MYLK: variants seen among roughly 807,000 people sequenced by gnomAD.
MYLK encodes myosin light chain kinase, smooth muscle.
MYLK carries 106 observed loss-of-function variants against 203.4 expected under a neutral mutation model. The observed-to-expected ratio is 0.52, with a 90% CI of 0.45 to 0.61. The LOEUF (loss-of-function observed/expected upper bound fraction) is 0.61, where lower values mean the gene tolerates loss of function less well. Among genes scored for constraint, MYLK ranks in the 20% least tolerant of loss-of-function variants. The pLI, the probability that MYLK is intolerant of heterozygous loss-of-function variation, is 0.00. For synonymous variants in MYLK, 867 were observed against 959.5 expected (o/e 0.90, Z 1.78); for missense variants, 2,072 against 2,442.3 (o/e 0.85, Z 3.20).
At chr3:123,818,192 G>A (rs989999438) in intron 3 of MYLK, among the ~76,000 whole-genome samples, 2 of 152,150 alleles carry the variant, frequency 1.3e-5, no homozygotes, top group Non-Finnish European at 2.9e-5. Flanking sequence ...ACCCAATTCT[G>A]CCTCCTGCAG....
rs147020124 is a variant in MYLK, at chr3:123,846,667, T to C, written c.-126-14997A>G. Among the ~76,000 whole-genome samples the C allele has an allele frequency of 3.4e-3, 523 of 152,306 alleles. 3 individuals are homozygous for C. The highest frequency in any genetic ancestry group is 0.012 in the African/African-American group (490 of 41,576). On this transcript the variant is annotated intron_variant, in intron 2 of 33. Coordinates refer to ENST00000360304, the MANE Select transcript of MYLK (RefSeq NM_053025.4). ...CAGCGTAGGAGACTGTCATTCCATA[T>C]GCTCATCCATACTAAGAAGTACATT... is the stretch of plus-strand genomic sequence containing the variant.
At position 123,759,740 on chromosome 3, in the gene MYLK, G is replaced by C. The variant is rs144719589; in HGVS notation, c.166-7202C>G. Among the ~76,000 whole-genome samples the C allele has an allele frequency of 2.3e-3, 346 of 152,286 alleles. 5 individuals are homozygous for C. Among genetic ancestry groups the C allele is most frequent in the Non-Finnish European group, 4.9e-4 (33 of 68,030 alleles). ...GACCAAAGCTGTCTCTTTTCACAGA[G>C]ACCCAAAACTGAGAAGATGTAAGAC... On this transcript the variant is annotated intron_variant, in intron 4 of 33. Transcript: ENST00000360304.
intron 3 of MYLK, chr3:123,799,697 A>G (rs1296717179): frequency 6.6e-6 from 1 of 152,462 alleles, no homozygotes; most frequent in African/African-American, 2.4e-5. Flanking sequence ...CCTCTCTGCA[A>G]TGCACTCAAA....
chr3:123,701,047 A>G (rs2061188438), intron 17 of MYLK, 42 bp from the exon 18 acceptor site: 4 of 1,386,192 alleles, frequency 2.9e-6, no homozygotes, highest in Non-Finnish European at 3.8e-6. Context: ...CAGGAGGAAA[A>G]GGGGCTGGGT....
intron 20 of MYLK, among the ~76,000 whole-genome samples, chr3:123,675,193 C>G (rs2060033737): frequency 6.6e-6 from 1 of 152,246 alleles, no homozygotes; most frequent in Admixed American, 6.5e-5. Context: ...CTGCCAGGTG[C>G]TGAGCCTTCC....
chr3:123,796,570 G>T (rs779534364), intron 3 of MYLK, among the ~76,000 whole-genome samples: 4 of 152,194 alleles, frequency 2.6e-5, no homozygotes, highest in African/African-American at 4.8e-5. Flanking sequence ...ACCAAACAAA[G>T]GTCTTTACAT....
intron 15 of MYLK, among the ~76,000 whole-genome samples, chr3:123,708,454 G>T (rs2061549639): frequency 1.3e-5 from 2 of 152,180 alleles, no homozygotes; most frequent in Admixed American, 1.3e-4. Flanking sequence ...AGTACTCTAT[G>T]CACCTTGGCA....
At chr3:123,840,054 G>A (rs1303393233) in intron 2 of MYLK, among the ~76,000 whole-genome samples, 4 of 152,086 alleles carry the variant, frequency 2.6e-5, no homozygotes, top group Non-Finnish European at 5.9e-5. Flanking sequence ...GAAAAGGTCA[G>A]AAGAAAATGT....
chr3:123,879,800 G>A (rs910385562), intron 1 of MYLK, among the ~76,000 whole-genome samples: 6 of 151,994 alleles, frequency 3.9e-5, no homozygotes, highest in Non-Finnish European at 8.8e-5. Flanking sequence ...GACTACAGAC[G>A]CCCGCCACCA....
intron 3 of MYLK, among the ~76,000 whole-genome samples, chr3:123,810,701 T>G (rs2065529308): frequency 6.6e-6 from 1 of 152,200 alleles, no homozygotes; most frequent in African/African-American, 2.4e-5. Flanking sequence ...CTGCATGCAA[T>G]GCCTGTGGCA....
At chr3:123,678,526 G>T (rs1260288104) in intron 20 of MYLK, among the ~76,000 whole-genome samples, 1 of 151,888 alleles carries the variant, frequency 6.6e-6, no homozygotes, top group Non-Finnish European at 1.5e-5. Context: ...AGGGAGGGGG[G>T]TGTGCAGAAG....
At chr3:123,734,246 T>TGGTGGGGGG in intron 9 of MYLK, 24 bp from the exon 10 acceptor site, 1 of 1,415,796 alleles carries the variant, frequency 7.1e-7, no homozygotes, top group Non-Finnish European at 9.3e-7. Flanking sequence ...AGGGTGGGGG[T>TGGTGGGGGG]AGGGTGGGTG....
intron 9 of MYLK, chr3:123,734,926 C>G (rs1255298160): frequency 4.1e-6 from 1 of 246,808 alleles, no homozygotes; most frequent in African/African-American, 2.2e-5. Flanking sequence ...TTCCTGTTGT[C>G]CTTCCTCACA....
intron 1 of MYLK, among the ~76,000 whole-genome samples, chr3:123,882,716 C>T (rs2033621672): frequency 6.6e-6 from 1 of 152,096 alleles, no homozygotes; most frequent in South Asian, 2.1e-4. Flanking sequence ...CACTCCGGAC[C>T]CAGGACCAAC....
At chr3:123,692,553 T>G (rs889305824) in intron 19 of MYLK, 182 bp downstream of exon 19, 1 of 802,212 alleles carries the variant, frequency 1.2e-6, no homozygotes, top group African/African-American at 1.7e-5. Flanking sequence ...GAGCTGCCAC[T>G]TTCCTTCCTG....
At chr3:123,708,070 C>T in intron 15 of MYLK, 67 bp from the exon 16 acceptor site, 1 of 1,602,064 alleles carries the variant, frequency 6.2e-7, no homozygotes, top group Admixed American at 1.7e-5. Flanking sequence ...ACTCAATTCT[C>T]CATGGAGGTG....
intron 2 of MYLK, among the ~76,000 whole-genome samples, chr3:123,853,882 T>C (rs2031098971): frequency 6.6e-6 from 1 of 152,088 alleles, no homozygotes; most frequent in Non-Finnish European, 1.5e-5. Flanking sequence ...TCTCTCCCCA[T>C]TGAATCCAGG....
intron 22 of MYLK, among the ~76,000 whole-genome samples, chr3:123,665,181 G>A (rs2059696009): frequency 1.3e-5 from 2 of 152,156 alleles, no homozygotes; most frequent in African/African-American, 4.8e-5. Context: ...TAAATATTCA[G>A]TTCCTCAGTT....
At chr3:123,712,630 A>T (rs2108673350) in intron 13 of MYLK, among the ~76,000 whole-genome samples, 1 of 152,246 alleles carries the variant, frequency 6.6e-6, no homozygotes, top group South Asian at 2.1e-4. Context: ...GGGAGCTCAG[A>T]AGTATGCATG....
Sources: gnomAD v4.1 joint callset for allele counts (sites outside exome capture counted in the v4.1 genomes callset) on GRCh38, gnomAD v4.1.1 for gene constraint, MANE v1.5 for transcripts, NCBI Gene and HGNC (gene_info 2026-07-23, HGNC 2026-07-21) for gene names.